ITPR1: variants seen among roughly 807,000 people sequenced by gnomAD.
The protein encoded by ITPR1 is inositol 1,4,5-trisphosphate receptor type 1, also known as inositol 1,4,5-trisphosphate-gated calcium channel ITPR1.
A neutral mutation model predicts 318.4 loss-of-function variants in ITPR1; 96 were observed. The ratio of observed to expected loss-of-function variants is 0.30; its 90% CI spans 0.26 to 0.36. The LOEUF is 0.36. Ranked by LOEUF, ITPR1 falls within the 10% of genes least tolerant of loss-of-function variation. The pLI, the probability that ITPR1 is intolerant of heterozygous loss-of-function variation, is 1.00. For synonymous variants in ITPR1, 1,312 were observed against 1,289.9 expected (o/e 1.02, Z -0.37); for missense variants, 2,440 against 3,460.2 (o/e 0.71, Z 7.40).
chr3:4,814,398 C>G, intron 57 of ITPR1, 25 bp from the exon 58 acceptor site: 2 of 1,613,586 alleles, frequency 1.2e-6, no homozygotes, highest in Non-Finnish European at 1.7e-6. Context: ...CGTTTTCTCT[C>G]TGTTGTTACT....
chr3:4,530,257 G>A (rs2083304218), intron 4 of ITPR1, among the ~76,000 whole-genome samples: 1 of 152,130 alleles, frequency 6.6e-6, no homozygotes, highest in Admixed American at 6.5e-5. Flanking sequence ...CACTCAAAGG[G>A]ACCAAATCTT....
chr3:4,623,153 A>G (rs181583975), intron 4 of ITPR1, among the ~76,000 whole-genome samples: 2 of 152,274 alleles, frequency 1.3e-5, no homozygotes, highest in Admixed American at 6.5e-5. Context: ...TTAAGTGTGC[A>G]CCACAAGTCC....
At chr3:4,767,697 A>AT (rs759754683) in intron 45 of ITPR1, among the ~76,000 whole-genome samples, 1 of 152,098 alleles carries the variant, frequency 6.6e-6, no homozygotes. Context: ...GTTTAAAACA[A>AT]TTTTTTGTTT....
intron 4 of ITPR1, among the ~76,000 whole-genome samples, chr3:4,548,090 C>A (rs916724632): frequency 6.6e-6 from 1 of 152,162 alleles, no homozygotes; most frequent in East Asian, 1.9e-4. Flanking sequence ...AGTCTTTCCC[C>A]AGCTCAGCCC....
intron 44 of ITPR1, among the ~76,000 whole-genome samples, chr3:4,751,867 C>T (rs1474448864): frequency 6.6e-6 from 1 of 152,174 alleles, no homozygotes. Context: ...ACTTGGATCC[C>T]CTGCTTCCCT....
At chr3:4,807,989 C>T (rs1259884814) in intron 55 of ITPR1, among the ~76,000 whole-genome samples, 2 of 152,218 alleles carry the variant, frequency 1.3e-5, no homozygotes, top group African/African-American at 2.4e-5. Context: ...GTAGACACTT[C>T]GACCTTTCCT....
chr3:4,610,685 A>G (rs1163670749), intron 4 of ITPR1, among the ~76,000 whole-genome samples: 3 of 152,160 alleles, frequency 2.0e-5, no homozygotes, highest in South Asian at 2.1e-4. Flanking sequence ...CCCGAAGTCC[A>G]TGGTTACTGT....
At chr3:4,845,813 T>C (rs1417661533) in intron 61 of ITPR1, among the ~76,000 whole-genome samples, 1 of 152,224 alleles carries the variant, frequency 6.6e-6, no homozygotes, top group East Asian at 1.9e-4. Context: ...AGCCACCATT[T>C]TCCAATGAGT....
intron 61 of ITPR1, 116 bp from the exon 62 acceptor site, chr3:4,846,023 T>G (rs901974487): frequency 1.7e-6 from 1 of 574,560 alleles, no homozygotes; most frequent in African/African-American, 1.9e-5. Context: ...GTACACTATT[T>G]GTAGAAAGTG....
At position 4,645,784 on chromosome 3, in the gene ITPR1, A is replaced by C. The variant is rs74284105; in HGVS notation, c.855+56A>C. 31 of 1,175,702 alleles carry C rather than the reference A, an allele frequency of 2.6e-5. No homozygotes were observed. The East Asian group carries it at 8.2e-4, about 31-fold the overall frequency. 72.8% of individuals were successfully genotyped at this position (1,175,702 alleles called of 1,614,324 possible). A position where few individuals can be genotyped will look rare whatever the true frequency, so the allele number is the denominator to read the frequency against. ...GTTTAGAGGATATCAGCCTGTATATAGGCTCTCTCTCTCTCTATCCTACAA... is the reference window on the plus strand; with the variant it reads ...GTTTAGAGGATATCAGCCTGTATATCGGCTCTCTCTCTCTCTATCCTACAA... On this transcript the variant is annotated intron_variant, in intron 10 of 61. Transcript: ENST00000649015.
chr3:4,566,676 A>G (rs11130068), intron 4 of ITPR1, among the ~76,000 whole-genome samples: 24,501 of 150,750 alleles, frequency 0.16, 2,283 homozygotes, highest in African/African-American at 0.25. Flanking sequence ...GGTGTTTCCC[A>G]GGTTCCTAAC....
chr3:4,575,803 T>C (rs1468104309), intron 4 of ITPR1, among the ~76,000 whole-genome samples: 1 of 151,984 alleles, frequency 6.6e-6, no homozygotes, highest in Non-Finnish European at 1.5e-5. Flanking sequence ...GAAGCATCGC[T>C]TGAGGCCAGG....
chr3:4,643,128 C>T (rs1349077504), intron 7 of ITPR1, among the ~76,000 whole-genome samples: 2 of 152,140 alleles, frequency 1.3e-5, no homozygotes, highest in East Asian at 1.9e-4. Context: ...ACCATTCCCT[C>T]ATAGTTGGTA....
intron 4 of ITPR1, among the ~76,000 whole-genome samples, chr3:4,604,283 A>G (rs2091528919): frequency 6.6e-6 from 1 of 152,130 alleles, no homozygotes; most frequent in African/African-American, 2.4e-5. Flanking sequence ...TGCTGGACCT[A>G]TGCTTGTGGG....
chr3:4,698,068 G>A (rs1200951936), intron 34 of ITPR1, among the ~76,000 whole-genome samples: 1 of 149,850 alleles, frequency 6.7e-6, no homozygotes, highest in Non-Finnish European at 1.5e-5. Context: ...TTTGCATTGG[G>A]CCTAATATTC....
intron 4 of ITPR1, among the ~76,000 whole-genome samples, chr3:4,623,488 T>A (rs1333580933): frequency 1.3e-5 from 2 of 152,228 alleles, no homozygotes; most frequent in Non-Finnish European, 2.9e-5. Flanking sequence ...AACAACAGTG[T>A]ATGTGTGTGT....
At chr3:4,563,325 T>C (rs1405611968) in intron 4 of ITPR1, among the ~76,000 whole-genome samples, 8 of 151,880 alleles carry the variant, frequency 5.3e-5, no homozygotes, top group East Asian at 1.9e-4. Flanking sequence ...CCGGGCAACA[T>C]AGGGACACCG....
chr3:4,831,298 C>T, intron 60 of ITPR1: 1 of 289,892 alleles, frequency 3.4e-6, no homozygotes, highest in Non-Finnish European at 6.9e-6. Flanking sequence ...TAACCAGAAC[C>T]TTAGCACTTG....
rs550581657 is a variant in ITPR1 at position 4,557,879 on chromosome 3, T to A, written c.163+36785T>A. Among the ~76,000 whole-genome samples, 35 of 152,314 alleles carry A rather than the reference T, an allele frequency of 2.3e-4. 1 individual carries two copies. Among genetic ancestry groups the A allele is most frequent in the African/African-American group, 7.5e-4 (31 of 41,576 alleles). On this transcript the variant is annotated intron_variant, in intron 4 of 61. Coordinates refer to ENST00000649015, the MANE Select transcript of ITPR1 (RefSeq NM_001378452.1). ...TAAAAAAATATGGTTATTTTAGCGC[T>A]CACTATAAATTCACTGGTATTCATA... is the stretch of plus-strand genomic sequence containing the variant.
Sources: gnomAD v4.1 joint callset for allele counts (sites outside exome capture counted in the v4.1 genomes callset) on GRCh38, gnomAD v4.1.1 for gene constraint, MANE v1.5 for transcripts, NCBI Gene and HGNC (gene_info 2026-07-23, HGNC 2026-07-21) for gene names.